The following ZMYM4 variants were observed in gnomAD, a reference collection of about 807,000 sequenced individuals.
ZMYM4 encodes zinc finger MYM-type containing 4.
ZMYM4 carries 31 observed loss-of-function variants against 183.2 expected under a neutral mutation model. That is an observed-to-expected ratio of 0.17 (90% CI 0.13 to 0.23). The LOEUF is 0.23. ZMYM4 is among the 10% of genes least tolerant of loss of function. ZMYM4 has a pLI of 1.00. For missense variants in ZMYM4, 1,273 were observed against 1,840.3 expected (o/e 0.69, Z 5.64); for synonymous variants, 592 against 631.2 (o/e 0.94, Z 0.93).
chr1:35,416,394 A>G (rs1221686551), intron 28 of ZMYM4, among the ~76,000 whole-genome samples: 1 of 152,216 alleles, frequency 6.6e-6, no homozygotes, highest in Non-Finnish European at 1.5e-5. Context: ...TTTGAATGTG[A>G]GAATTTAAAT....
chr1:35,419,370 A>G, intron 29 of ZMYM4, 100 bp from the exon 30 acceptor site: 1 of 1,308,660 alleles, frequency 7.6e-7, no homozygotes, highest in Non-Finnish European at 1.0e-6. Flanking sequence ...AATTACTTTT[A>G]ATGGCAAAAA....
chr1:35,380,413 C>T (rs999000308), intron 7 of ZMYM4, among the ~76,000 whole-genome samples: 3 of 152,034 alleles, frequency 2.0e-5, no homozygotes, highest in African/African-American at 4.8e-5. Context: ...CTGCAAGCTC[C>T]GCTTCCCGGG....
chr1:35,373,544 ATTTTT>A (rs202022428), intron 7 of ZMYM4, among the ~76,000 whole-genome samples: 2,742 of 122,792 alleles, frequency 0.022, 90 homozygotes, highest in African/African-American at 0.081. Flanking sequence ...TGCACAGCTA[ATTTTT>A]TTTTTTTTTT....
chr1:35,312,475 A>G (rs1641846406), intron 1 of ZMYM4, among the ~76,000 whole-genome samples: 1 of 152,158 alleles, frequency 6.6e-6, no homozygotes, highest in Admixed American at 6.5e-5. Context: ...TTGTTGTGCT[A>G]CTATTAACAC....
At chr1:35,349,066 G>C (rs894346652) in intron 2 of ZMYM4, among the ~76,000 whole-genome samples, 3 of 152,126 alleles carry the variant, frequency 2.0e-5, no homozygotes, top group African/African-American at 7.2e-5. Flanking sequence ...TGTGATCTTA[G>C]CTCACTGCAA....
intron 1 of ZMYM4, among the ~76,000 whole-genome samples, chr1:35,294,390 G>T (rs1187809167): frequency 6.6e-6 from 1 of 152,104 alleles, no homozygotes; most frequent in Non-Finnish European, 1.5e-5. Flanking sequence ...AAGTATCCCA[G>T]TAGGGGTTTT....
intron 2 of ZMYM4, among the ~76,000 whole-genome samples, chr1:35,350,292 T>C (rs1402158961): frequency 1.3e-5 from 2 of 150,840 alleles, no homozygotes; most frequent in Non-Finnish European, 2.9e-5. Flanking sequence ...AAAGTTGAAA[T>C]TACTTTTTTT....
Position 35,329,543 on chromosome 1 carries a change from A to G in ZMYM4, c.85+4138A>G, listed in dbSNP as rs115495519. ...AATGGTTACTTTTCTTATTGATAGAATAAGTTTATTGAACATAACAGACTT... is the reference window on the plus strand; with the variant it reads ...AATGGTTACTTTTCTTATTGATAGAGTAAGTTTATTGAACATAACAGACTT... On this transcript the variant is annotated intron_variant, in intron 2 of 29. Transcript: ENST00000314607. 1.7e-3 allele frequency among the ~76,000 whole-genome samples: 260 copies of G among 152,350 alleles called. 2 individuals carry two copies. Among genetic ancestry groups the G allele is most frequent in the Non-Finnish European group, 3.0e-3 (202 of 68,028 alleles).
At chr1:35,283,971 T>G (rs973208874) in intron 1 of ZMYM4, among the ~76,000 whole-genome samples, 2 of 151,850 alleles carry the variant, frequency 1.3e-5, no homozygotes, top group African/African-American at 4.8e-5. Flanking sequence ...TTTTTTTGTT[T>G]TTTTGTTTTT....
intron 7 of ZMYM4, among the ~76,000 whole-genome samples, chr1:35,371,407 C>T (rs184621663): frequency 4.6e-3 from 699 of 152,144 alleles, no homozygotes; most frequent in Middle Eastern, 0.01. Context: ...TGAGCTACCG[C>T]GCTTGGCCTA....
intron 13 of ZMYM4, among the ~76,000 whole-genome samples, chr1:35,388,510 A>G (rs535897357): frequency 1.8e-4 from 28 of 151,570 alleles, no homozygotes; most frequent in Non-Finnish European, 3.7e-4. Context: ...CAGCCCCAAA[A>G]GTTTCATGAA....
At chr1:35,314,658 A>G (rs1641959074) in intron 1 of ZMYM4, among the ~76,000 whole-genome samples, 2 of 87,270 alleles carry the variant, frequency 2.3e-5, no homozygotes, top group South Asian at 8.3e-4. Flanking sequence ...TAACTATTCA[A>G]AAATGATTTT....
chr1:35,358,349 A>C (rs1271184089), intron 2 of ZMYM4, among the ~76,000 whole-genome samples: 1 of 152,172 alleles, frequency 6.6e-6, no homozygotes, highest in Admixed American at 6.5e-5. Context: ...TTTTATGTGT[A>C]AGTATTAACT....
In ZMYM4 at chr1:35,289,065, A is replaced by C. The variant is rs532859166; in HGVS notation, c.39+19980A>C. Among the ~76,000 whole-genome samples, 10 of 152,374 alleles carry C rather than the reference A, an allele frequency of 6.6e-5. No individual in the cohort carries two copies. The East Asian group carries it at 1.7e-3, about 26-fold the overall frequency. On this transcript the variant is annotated intron_variant, in intron 1 of 29. Transcript: ENST00000314607. ...TTTGTGCTAGTGGTGGGGGTAAGATAGAAAATAAAAAAGAAATAGAGAAAA... is the reference window on the plus strand; with the variant it reads ...TTTGTGCTAGTGGTGGGGGTAAGATCGAAAATAAAAAAGAAATAGAGAAAA...
In ZMYM4 at chr1:35,381,551, A is replaced by G. The variant is rs1558129941; in HGVS notation, c.1362A>G (p.Arg454=). ...CSMCQKNAVI[R]HEVNYQNVVH... ...TGCTGTTATTTAATTTCTAGATTCG[A>G]CATGAAGTTAATTACCAGAATGTGG... is the stretch of plus-strand genomic sequence containing the variant. Residue 454 remains arginine, a synonymous_variant, in exon 9 of 30, where the codon CGA becomes CGG. Transcript: ENST00000314607. The G allele has an allele frequency of 6.2e-7, 1 of 1,614,152 alleles. No homozygotes were observed. Among genetic ancestry groups the G allele is most frequent in the Non-Finnish European group, 8.5e-7 (1 of 1,180,014 alleles).
intron 1 of ZMYM4, among the ~76,000 whole-genome samples, chr1:35,271,933 A>C (rs1015700861): frequency 1.3e-5 from 2 of 152,210 alleles, no homozygotes; most frequent in African/African-American, 4.8e-5. Flanking sequence ...ACTGCTCTCC[A>C]GCCTGGGTGA....
intron 1 of ZMYM4, among the ~76,000 whole-genome samples, chr1:35,288,967 AT>A (rs1640633531): frequency 6.6e-6 from 1 of 152,230 alleles, no homozygotes; most frequent in Admixed American, 6.5e-5. Flanking sequence ...AGATTCATTC[AT>A]TGAACAAATA....
chr1:35,362,413 G>A (rs1643959038), intron 5 of ZMYM4, among the ~76,000 whole-genome samples: 1 of 152,202 alleles, frequency 6.6e-6, no homozygotes, highest in Non-Finnish European at 1.5e-5. Context: ...AGTCAGCTAA[G>A]CTATCCATGC....
chr1:35,351,439 A>C (rs1348857618), intron 2 of ZMYM4: 1 of 1,576,960 alleles, frequency 6.3e-7, no homozygotes, highest in Admixed American at 1.7e-5. Context: ...GAGATGTATA[A>C]GAAAGCTCAT....
Sources: allele counts gnomAD v4.1 joint callset (sites outside exome capture counted in the v4.1 genomes callset), GRCh38; gene constraint gnomAD v4.1.1; transcripts MANE v1.5; gene names NCBI Gene and HGNC (gene_info 2026-07-23, HGNC 2026-07-21).